VEGFC: variants seen among roughly 807,000 people sequenced by gnomAD.
The protein encoded by VEGFC is FLT4 ligand DHM.
In VEGFC, 12 loss-of-function variants were observed where a neutral mutation model predicts 46.1. The observed-to-expected ratio is 0.26, with a 90% CI of 0.17 to 0.42. The LOEUF (loss-of-function observed/expected upper bound fraction) is 0.42, where lower values mean the gene tolerates loss of function less well. VEGFC is among the 10% of genes least tolerant of loss of function. The probability of loss-of-function intolerance (pLI) is 1.00; values close to 1 mark genes in which losing one functional copy is unlikely to be tolerated. For missense variants in VEGFC, 488 were observed against 529.4 expected (o/e 0.92, Z 0.77); for synonymous variants, 232 against 195.5 (o/e 1.19, Z -1.56).
chr4:176,756,242 G>C (rs1015286308), intron 1 of VEGFC, among the ~76,000 whole-genome samples: 2 of 151,964 alleles, frequency 1.3e-5, no homozygotes, highest in Non-Finnish European at 2.9e-5. Flanking sequence ...ATGCTTATAA[G>C]CTATTTTTTG....
At position 176,697,983 on chromosome 4, in the gene VEGFC, T is replaced by G. The variant is rs185008542; in HGVS notation, c.705-10056A>C. On this transcript the variant is annotated intron_variant, in intron 4 of 6. Coordinates refer to ENST00000618562, the MANE Select transcript of VEGFC (RefSeq NM_005429.5). Reference sequence around the variant, plus strand: ...GGGAACATCACACTCTGGGGACTGTTGTGGGGTGGAGGGAGGGGGAGGGAT... The same window carrying G: ...GGGAACATCACACTCTGGGGACTGTGGTGGGGTGGAGGGAGGGGGAGGGAT... Among the ~76,000 whole-genome samples the G allele has an allele frequency of 4.2e-3, 616 of 147,608 alleles. 3 individuals are homozygous for G. The highest frequency in any genetic ancestry group is 0.015 in the African/African-American group (590 of 39,732).
chr4:176,746,522 G>A (rs187784319), intron 1 of VEGFC, among the ~76,000 whole-genome samples: 17 of 152,152 alleles, frequency 1.1e-4, no homozygotes, highest in Non-Finnish European at 2.2e-4. Context: ...TAGTTTGTGA[G>A]CACCAGTTTC....
intron 1 of VEGFC, among the ~76,000 whole-genome samples, chr4:176,777,911 T>C: frequency 1.2e-5 from 1 of 86,194 alleles, no homozygotes; most frequent in African/African-American, 4.5e-5. Context: ...AGAGCAAGAC[T>C]TTGTCTCAAA....
rs755041721 is a variant in VEGFC, at chr4:176,683,914, A to C, written c.*12T>G. Reference sequence around the variant, plus strand: ...ATAATAGAAAATCGATGAACTGGAAAACAGTACAATCTTAGCTCATTTGTG... The same window carrying C: ...ATAATAGAAAATCGATGAACTGGAACACAGTACAATCTTAGCTCATTTGTG... On this transcript the variant is annotated 3_prime_UTR_variant, in exon 7 of 7. Coordinates refer to ENST00000618562, the MANE Select transcript of VEGFC (RefSeq NM_005429.5). 6.3e-7 allele frequency: 1 copy of C among 1,599,500 alleles called. No homozygotes were observed. Among genetic ancestry groups the C allele is most frequent in the South Asian group, 1.1e-5 (1 of 90,764 alleles).
chr4:176,743,131 T>G (rs901792181), intron 1 of VEGFC, among the ~76,000 whole-genome samples: 5 of 151,952 alleles, frequency 3.3e-5, no homozygotes, highest in Non-Finnish European at 7.4e-5. Flanking sequence ...AGTCAAAAGG[T>G]AGACCTGGGC....
At chr4:176,715,088 A>G (rs1208722370) in intron 3 of VEGFC, among the ~76,000 whole-genome samples, 1 of 152,204 alleles carries the variant, frequency 6.6e-6, no homozygotes, top group Non-Finnish European at 1.5e-5. Flanking sequence ...GTTGGAGAGA[A>G]AAAAATCTTT....
intron 3 of VEGFC, 48 bp downstream of exon 3, chr4:176,727,730 T>A: frequency 1.9e-6 from 3 of 1,547,242 alleles, no homozygotes; most frequent in Non-Finnish European, 2.6e-6. Flanking sequence ...AAGTTAAAGC[T>A]TCTGATTAAG....
intron 4 of VEGFC, among the ~76,000 whole-genome samples, chr4:176,690,597 GAC>G (rs1445140815): frequency 6.7e-6 from 1 of 148,750 alleles, no homozygotes; most frequent in East Asian, 2.1e-4. Flanking sequence ...ATAAAATGCA[GAC>G]AGTCAGGACT....
At chr4:176,687,128 T>C in intron 6 of VEGFC, 59 bp downstream of exon 6, 3 of 1,522,198 alleles carry the variant, frequency 2.0e-6, no homozygotes, top group Non-Finnish European at 2.6e-6. Context: ...GAAAACTGCT[T>C]TTGGTTTAGA....
In VEGFC at chr4:176,687,895, T is replaced by C; in HGVS notation, c.737A>G (p.Asn246Ser). ...CQAANKTCPT[N>S]YMWNNHICRC... ...GCAGATGTGATTATTCCACATGTAA[T>C]TGGTGGGGCAGGTCTTGTTCGCTGC... The change falls in exon 5 of 7, where the codon AAT becomes AGT. Residue 246 changes from asparagine to serine, a missense_variant. Coordinates refer to ENST00000618562, the MANE Select transcript of VEGFC (RefSeq NM_005429.5). 1.2e-6 allele frequency: 2 copies of C among 1,613,654 alleles called. No homozygotes were observed. The highest frequency in any genetic ancestry group is 1.7e-6 in the Non-Finnish European group (2 of 1,179,818).
chr4:176,699,695 T>C, intron 4 of VEGFC, among the ~76,000 whole-genome samples: 1 of 152,202 alleles, frequency 6.6e-6, no homozygotes, highest in East Asian at 1.9e-4. Context: ...ACTGATTTGC[T>C]TACACTTTGG....
intron 3 of VEGFC, among the ~76,000 whole-genome samples, chr4:176,713,802 A>G (rs1031225968): frequency 6.6e-6 from 1 of 152,170 alleles, no homozygotes; most frequent in Non-Finnish European, 1.5e-5. Flanking sequence ...ACAATGATGG[A>G]GCATCAGGAG....
chr4:176,687,119 A>G, intron 6 of VEGFC, 68 bp downstream of exon 6: 1 of 1,507,082 alleles, frequency 6.6e-7, no homozygotes, highest in Non-Finnish European at 8.9e-7. Context: ...TTTGGTTAAG[A>G]AAACTGCTTT....
At chr4:176,761,281 C>A (rs1735526507) in intron 1 of VEGFC, among the ~76,000 whole-genome samples, 1 of 152,080 alleles carries the variant, frequency 6.6e-6, no homozygotes, top group South Asian at 2.1e-4. Flanking sequence ...AGCGAACATT[C>A]TAATATAAAT....
chr4:176,792,101 T>C lies in VEGFC; in HGVS notation c.147+64A>G. On this transcript the variant is annotated intron_variant, in intron 1 of 6. Coordinates refer to ENST00000618562, the MANE Select transcript of VEGFC (RefSeq NM_005429.5). This position sits in a 1 kb window ranked among gnomAD's most constrained non-coding sequence, Gnocchi z 6.3. ...CACACACTTTCCCCCGCGCAGGTTC[T>C]CGGGTCCGCCGCAGACCCTAACGCA... The C allele has an allele frequency of 7.1e-7, 1 of 1,403,262 alleles. No individual in the cohort carries two copies. Among genetic ancestry groups the C allele is most frequent in the Non-Finnish European group, 9.3e-7 (1 of 1,073,566 alleles). The allele number at this position is 1,403,262 out of a possible 1,614,324, so 86.9% of individuals were successfully genotyped here.
intron 3 of VEGFC, among the ~76,000 whole-genome samples, chr4:176,717,031 CTGA>C (rs1734712025): frequency 6.6e-6 from 1 of 152,002 alleles, no homozygotes. Flanking sequence ...ATGTATTTAA[CTGA>C]TAATGTATCT....
intron 4 of VEGFC, among the ~76,000 whole-genome samples, chr4:176,698,058 A>G (rs903072993): frequency 1.3e-5 from 2 of 152,026 alleles, no homozygotes; most frequent in South Asian, 2.1e-4. Context: ...TGGGTGCAGC[A>G]CACCAGCATG....
At chr4:176,688,979 C>G (rs6828869) in intron 4 of VEGFC, among the ~76,000 whole-genome samples, 72,424 of 152,064 alleles carry the variant, frequency 0.48, 18,803 homozygotes, top group East Asian at 0.72. Context: ...TAGAAAAATG[C>G]ATTATATCCT....
intron 3 of VEGFC, among the ~76,000 whole-genome samples, chr4:176,713,561 A>G (rs932084381): frequency 4.6e-5 from 7 of 152,162 alleles, no homozygotes; most frequent in Admixed American, 4.6e-4. Context: ...AGGTGTACCT[A>G]AGAATTTAGG....
Sources: gnomAD v4.1 joint callset for allele counts (sites outside exome capture counted in the v4.1 genomes callset) on GRCh38, gnomAD v4.1.1 for gene constraint, Gnocchi (gnomAD v3.1) non-coding constraint, MANE v1.5 for transcripts, NCBI Gene and HGNC (gene_info 2026-07-23, HGNC 2026-07-21) for gene names.